Variants in CDC42EP3 observed in about 807,000 individuals in gnomAD.
CDC42EP3 encodes CDC42 effector protein (Rho GTPase binding) 3.
CDC42EP3 carries 4 observed loss-of-function variants against 15.5 expected under a neutral mutation model. The observed-to-expected ratio is 0.26, with a 90% CI of 0.13 to 0.59. CDC42EP3 has a LOEUF of 0.59. CDC42EP3 is among the 20% of genes least tolerant of loss of function. The pLI is 0.89. For synonymous variants in CDC42EP3, 145 were observed against 130.3 expected, an observed-to-expected ratio of 1.11 and a Z score of -0.77; for missense variants, 309 against 311.2, an observed-to-expected ratio of 0.99 and a Z score of 0.05.
upstream of CDC42EP3, among the ~76,000 whole-genome samples, chr2:37,672,708 A>G (rs769114292): frequency 1.2e-4 from 19 of 152,158 alleles, no homozygotes; most frequent in East Asian, 1.9e-4. Context: ...CCCAGCCCGC[A>G]TGGTCAGCCA....
intron 1 of CDC42EP3, among the ~76,000 whole-genome samples, chr2:37,653,256 G>A (rs1032724785): frequency 2.6e-5 from 4 of 152,124 alleles, no homozygotes; most frequent in African/African-American, 7.2e-5. Flanking sequence ...TGCTGAGAAC[G>A]GACATGCTCC....
In CDC42EP3 at chr2:37,646,671, G is replaced by C. The variant is rs1289863143; in HGVS notation, c.-84C>G. Reference sequence around the variant, plus strand: ...TGGTATATGTTTCTGAATCCTTTTTGATAGGAACTGTCACATCATTTTTCT... The same window carrying C: ...TGGTATATGTTTCTGAATCCTTTTTCATAGGAACTGTCACATCATTTTTCT... On this transcript the variant is annotated 5_prime_UTR_variant, in exon 2 of 2. In the 5' UTR this introduces an upstream ATG that the reference lacks. Transcript: ENST00000295324. The C allele has an allele frequency of 7.8e-7, 1 of 1,279,754 alleles. No homozygotes were observed. The highest frequency in any genetic ancestry group is 2.5e-5 in the Admixed American group (1 of 40,766). The allele number at this position is 1,279,754 out of a possible 1,614,324, so 79.3% of individuals were successfully genotyped here. A position where few individuals can be genotyped will look rare whatever the true frequency, so the allele number is the denominator to read the frequency against.
upstream of CDC42EP3, among the ~76,000 whole-genome samples, chr2:37,672,849 T>C (rs533878151): frequency 1.2e-4 from 19 of 152,264 alleles, no homozygotes; most frequent in Admixed American, 5.9e-4. Flanking sequence ...CCGAGAGATA[T>C]CAGCTTCAGG....
intron 1 of CDC42EP3, among the ~76,000 whole-genome samples, chr2:37,656,103 C>T (rs559224837): frequency 6.6e-6 from 1 of 152,344 alleles, no homozygotes; most frequent in Admixed American, 6.5e-5. Flanking sequence ...TATTCTGCCA[C>T]CCTGCTAGGG....
Position 37,646,660 on chromosome 2 carries a change from G to C in CDC42EP3, c.-73C>G, listed in dbSNP as rs1432383087. 2.9e-6 allele frequency: 4 copies of C among 1,384,524 alleles called. No individual in the cohort carries two copies. In the African/African-American group the frequency reaches 4.4e-5, roughly 15 times the overall value. The allele number at this position is 1,384,524 out of a possible 1,614,324, so 85.8% of individuals were successfully genotyped here. ...TTCTTCACAGATGGTATATGTTTCT[G>C]AATCCTTTTTGATAGGAACTGTCAC... On this transcript the variant is annotated 5_prime_UTR_variant, in exon 2 of 2. Transcript: ENST00000295324.
chr2:37,659,045 G>GGCATCCT (rs1665971001), intron 1 of CDC42EP3, among the ~76,000 whole-genome samples: 1 of 152,176 alleles, frequency 6.6e-6, no homozygotes, highest in Non-Finnish European at 1.5e-5. Flanking sequence ...AGTTCCCCAT[G>GGCATCCT]GCATCCTAAG....
At position 37,669,630 on chromosome 2, in the gene CDC42EP3, A is replaced by G. The variant is rs151179392; in HGVS notation, c.-236+1796T>C. 1.9e-4 allele frequency among the ~76,000 whole-genome samples: 29 copies of G among 152,354 alleles called. No individual in the cohort carries two copies. In the East Asian group the frequency reaches 4.8e-3, roughly 25 times the overall value. ...TAGCTGCTGCCACAGCCTCAGCACC[A>G]TGTTCTAATCATAGAATTCATCATG... is the stretch of plus-strand genomic sequence containing the variant. On this transcript the variant is annotated intron_variant, in intron 1 of 1. Coordinates refer to ENST00000295324, the MANE Select transcript of CDC42EP3 (RefSeq NM_006449.5).
intron 1 of CDC42EP3, among the ~76,000 whole-genome samples, chr2:37,662,844 G>A (rs1666110236): frequency 6.6e-6 from 1 of 152,182 alleles, no homozygotes; most frequent in African/African-American, 2.4e-5. Context: ...CCTCTCGCCA[G>A]TTCAACCCAT....
rs13430363 is a variant in CDC42EP3 at position 37,657,031 on chromosome 2, C to T, written c.-235-10209G>A. Among the ~76,000 whole-genome samples, 205 of 123,724 alleles carry T rather than the reference C, an allele frequency of 1.7e-3. 1 individual carries two copies. The highest frequency in any genetic ancestry group is 6.0e-3 in the African/African-American group (194 of 32,278). 81.2% of individuals were successfully genotyped at this position (123,724 alleles called of 152,430 possible). On this transcript the variant is annotated intron_variant, in intron 1 of 1. Transcript: ENST00000295324. ...CATCCTCGAGGAGAAAAACAAACAT[C>T]CTGTTCTTAGAAAATCGTGTTAAGT...
chr2:37,658,717 T>C (rs6709621), intron 1 of CDC42EP3, among the ~76,000 whole-genome samples: 41,627 of 152,050 alleles, frequency 0.27, 6,204 homozygotes, highest in East Asian at 0.59. Flanking sequence ...CATCAAGTCC[T>C]ATAGTCCTAT....
intron 1 of CDC42EP3, among the ~76,000 whole-genome samples, chr2:37,663,833 A>T (rs1022238274): frequency 3.3e-5 from 5 of 152,132 alleles, no homozygotes; most frequent in African/African-American, 7.2e-5. Context: ...CCCATCCTCA[A>T]TCTGGGTGGG....
At chr2:37,652,082 G>C (rs1181502451) in intron 1 of CDC42EP3, among the ~76,000 whole-genome samples, 7 of 147,444 alleles carry the variant, frequency 4.7e-5, no homozygotes, top group African/African-American at 1.8e-4. Flanking sequence ...GGCTGAGGCA[G>C]GAGAATGGCA....
chr2:37,650,776 T>C (rs2124615887), intron 1 of CDC42EP3, among the ~76,000 whole-genome samples: 1 of 152,336 alleles, frequency 6.6e-6, no homozygotes, highest in East Asian at 1.9e-4. Flanking sequence ...TGTGTGGCAA[T>C]GTGCTGGGCT....
chr2:37,664,806 G>A (rs996479925), intron 1 of CDC42EP3, among the ~76,000 whole-genome samples: 1 of 152,112 alleles, frequency 6.6e-6, no homozygotes, highest in Non-Finnish European at 1.5e-5. Context: ...GCAAACTGAC[G>A]CAGGAGCAGA....
intron 1 of CDC42EP3, among the ~76,000 whole-genome samples, chr2:37,668,477 G>A (rs75038070): frequency 0.016 from 2,394 of 152,272 alleles, 72 homozygotes; most frequent in African/African-American, 0.054. Context: ...GAGGTAACTT[G>A]CCCAAAGTCA....
chr2:37,671,688 G>C (rs1414619661), upstream of CDC42EP3: 1 of 149,344 alleles, frequency 6.7e-6, no homozygotes, highest in African/African-American at 2.5e-5. Flanking sequence ...CGGAGGGCGG[G>C]GCGGCGCGGG....
chr2:37,654,885 C>A (rs1382899861), intron 1 of CDC42EP3, among the ~76,000 whole-genome samples: 1 of 152,152 alleles, frequency 6.6e-6, no homozygotes, highest in Non-Finnish European at 1.5e-5. Flanking sequence ...TGTAGGAGTG[C>A]TTCTCTGAAT....
At chr2:37,656,998 C>T (rs1396213791) in intron 1 of CDC42EP3, among the ~76,000 whole-genome samples, 5 of 75,006 alleles carry the variant, frequency 6.7e-5, no homozygotes, top group African/African-American at 3.2e-4. Context: ...CCACCCCCCG[C>T]CCCCCGCCAT....
Position 37,642,591 on chromosome 2 carries a change from A to G in CDC42EP3, c.*3232T>C, listed in dbSNP as rs1436406175. ...AGAAACCATCATGTTGGCTCATTCTATTGTGTTTATATATTTCACAGTAAA... is the reference window on the plus strand; with the variant it reads ...AGAAACCATCATGTTGGCTCATTCTGTTGTGTTTATATATTTCACAGTAAA... On this transcript the variant is annotated 3_prime_UTR_variant, in exon 2 of 2. Transcript: ENST00000295324. The G allele has an allele frequency of 1.3e-5, 2 of 152,206 alleles. No homozygotes were observed. Among genetic ancestry groups the G allele is most frequent in the Admixed American group, 6.5e-5 (1 of 15,284 alleles). 9.4% of individuals were successfully genotyped at this position (152,206 alleles called of 1,614,324 possible). A position where few individuals can be genotyped will look rare whatever the true frequency, so the allele number is the denominator to read the frequency against.
Sources: gnomAD v4.1 joint callset for allele counts (sites outside exome capture counted in the v4.1 genomes callset) on GRCh38, gnomAD v4.1.1 for gene constraint, MANE v1.5 for transcripts, NCBI Gene and HGNC (gene_info 2026-07-23, HGNC 2026-07-21) for gene names.